The following GCLC variants were observed in gnomAD, a reference collection of about 807,000 sequenced individuals.
The protein encoded by GCLC is glutamate-cysteine ligase catalytic subunit.
GCLC carries 30 observed loss-of-function variants against 81.5 expected under a neutral mutation model. That is an observed-to-expected ratio of 0.37 (90% confidence interval 0.28 to 0.50). The LOEUF is 0.50. GCLC is among the 20% of genes least tolerant of loss of function. GCLC has a pLI of 0.96. For synonymous variants in GCLC, 262 were observed against 273.3 expected (o/e 0.96, Z 0.41); for missense variants, 556 against 777.4 (o/e 0.72, Z 3.39).
chr6:53,505,641 T>C, intron 11 of GCLC, 145 bp from the exon 12 acceptor site: 1 of 742,614 alleles, frequency 1.3e-6, no homozygotes, highest in South Asian at 1.5e-5. Context: ...CCACATCTAT[T>C]CTCAGAAATC....
rs1322728725 is a variant in GCLC, at chr6:53,498,800, TA to T, written c.1869del (p.Phe623LeufsTer4). The stretch of plus-strand genomic sequence containing the variant: ...TTACTTCCACTATATTTTACTTTCC[TA>T]AATGCTGATCCAAGTAACTCTGGGC... ...CECPELLGSA[F>X]RKVKYSGSKT... On this transcript the variant is annotated frameshift_variant, in exon 16 of 16. Coordinates refer to ENST00000650454, the MANE Select transcript of GCLC (RefSeq NM_001498.4). LOFTEE classifies it high-confidence loss of function. The T allele has an allele frequency of 3.1e-6, 5 of 1,613,446 alleles. No homozygotes were observed. The highest frequency in any genetic ancestry group is 4.2e-6 in the Non-Finnish European group (5 of 1,179,508).
chr6:53,536,672 G>C (rs1399385737), intron 1 of GCLC, among the ~76,000 whole-genome samples: 22 of 152,146 alleles, frequency 1.4e-4, no homozygotes, highest in Admixed American at 1.4e-3. Context: ...TGATGTTAGA[G>C]GCTCAATTAA....
chr6:53,526,604 C>T (rs1178059629), intron 1 of GCLC, among the ~76,000 whole-genome samples: 1 of 152,002 alleles, frequency 6.6e-6, no homozygotes, highest in Non-Finnish European at 1.5e-5. Flanking sequence ...CAAGACCATC[C>T]TGGCTAACAC....
At chr6:53,525,306 G>A (rs535298290) in intron 1 of GCLC, among the ~76,000 whole-genome samples, 1 of 152,262 alleles carries the variant, frequency 6.6e-6, no homozygotes, top group African/African-American at 2.4e-5. Context: ...CTGTCTATAT[G>A]AGCATTCTGA....
rs1199585367 is a variant in GCLC at position 53,522,538 on chromosome 6, T to G, written c.151-11A>C. 2 of 1,511,240 alleles carry G rather than the reference T, an allele frequency of 1.3e-6. No homozygotes were observed. Among genetic ancestry groups the G allele is most frequent in the Non-Finnish European group, 1.8e-6 (2 of 1,087,028 alleles). 93.6% of individuals were successfully genotyped at this position (1,511,240 alleles called of 1,614,324 possible). A position where few individuals can be genotyped will look rare whatever the true frequency, so the allele number is the denominator to read the frequency against. ...CAACATGTATTCCACCTATTGAAAA[T>G]AAAGGTGAGAAAAATTAACATTCTT... On this transcript the variant is annotated splice_polypyrimidine_tract_variant and intron_variant, in intron 1 of 15. Coordinates refer to ENST00000650454, the MANE Select transcript of GCLC (RefSeq NM_001498.4).
chr6:53,524,529 C>T (rs1313496205), intron 1 of GCLC, among the ~76,000 whole-genome samples: 1 of 152,098 alleles, frequency 6.6e-6, no homozygotes, highest in Non-Finnish European at 1.5e-5. Context: ...GATGAACTGG[C>T]CCATCCCTCA....
chr6:53,539,096 T>C (rs1016992111), intron 1 of GCLC, among the ~76,000 whole-genome samples: 1 of 152,222 alleles, frequency 6.6e-6, no homozygotes, highest in African/African-American at 2.4e-5. Flanking sequence ...ATTTACATCA[T>C]AGATTTCCCA....
At chr6:53,520,128 T>G (rs116922194) in intron 3 of GCLC, among the ~76,000 whole-genome samples, 4 of 152,236 alleles carry the variant, frequency 2.6e-5, no homozygotes, top group African/African-American at 4.8e-5. Context: ...CTATGTATAA[T>G]ACATATGATA....
rs1254754588 is a variant in GCLC, at chr6:53,516,212, G to C, written c.457C>G (p.Pro153Ala). The change falls in exon 4 of 16, where the codon CCT (proline) becomes GCT (alanine). Residue 153 changes from proline (P) to alanine (A), a missense_variant. This residue lies in a region of GCLC where 234 missense variants were observed against 303.8 expected (regional missense o/e 0.77). Transcript: ENST00000650454. ...TITSFPRLGCPGFTLPEVKPN... is the reference protein window; with the variant it reads ...TITSFPRLGCAGFTLPEVKPN... ...TTGACCTCGGGCAGTGTGAACCCAGGACAGCCTAATCTACAACAAATTGAA... is the reference window on the plus strand; with the variant it reads ...TTGACCTCGGGCAGTGTGAACCCAGCACAGCCTAATCTACAACAAATTGAA... 6.2e-7 allele frequency: 1 copy of C among 1,602,392 alleles called. No individual in the cohort carries two copies. The highest frequency in any genetic ancestry group is 1.3e-5 in the African/African-American group (1 of 74,676).
At chr6:53,507,177 A>C in intron 9 of GCLC, 152 bp from the exon 10 acceptor site, 1 of 711,026 alleles carries the variant, frequency 1.4e-6, no homozygotes. Context: ...CACCTCACCC[A>C]GTATTTTATC....
At chr6:53,501,919 A>G (rs371594213) in intron 12 of GCLC, among the ~76,000 whole-genome samples, 8 of 152,312 alleles carry the variant, frequency 5.3e-5, no homozygotes, top group African/African-American at 1.9e-4. Context: ...CTTTTTGTTA[A>G]GACATTTAAA....
At chr6:53,528,947 G>A (rs1291202705) in intron 1 of GCLC, among the ~76,000 whole-genome samples, 4 of 152,094 alleles carry the variant, frequency 2.6e-5, no homozygotes, top group South Asian at 4.2e-4. Flanking sequence ...TGAGAGTTGC[G>A]GGGTAAACTG....
At chr6:53,538,766 G>A (rs1481924550) in intron 1 of GCLC, among the ~76,000 whole-genome samples, 1 of 152,142 alleles carries the variant, frequency 6.6e-6, no homozygotes, top group Non-Finnish European at 1.5e-5. Context: ...AAGTTCACAT[G>A]GACTTTTCTG....
At chr6:53,517,513 C>G (rs1408563676) in intron 3 of GCLC, among the ~76,000 whole-genome samples, 10 of 151,994 alleles carry the variant, frequency 6.6e-5, no homozygotes, top group African/African-American at 2.4e-4. Flanking sequence ...AAAACAGTTC[C>G]CAGCTACAAG....
At chr6:53,499,978 A>G in intron 15 of GCLC, 67 bp downstream of exon 15, 1 of 1,190,830 alleles carries the variant, frequency 8.4e-7, no homozygotes, top group Non-Finnish European at 1.3e-6. Flanking sequence ...CTACTTTAAG[A>G]AATTGAACAT....
intron 1 of GCLC, among the ~76,000 whole-genome samples, chr6:53,536,887 GAGATAGGTATAGA>G (rs1763266126): frequency 6.6e-6 from 1 of 152,180 alleles, no homozygotes; most frequent in Non-Finnish European, 1.5e-5. Flanking sequence ...TTTTCTGTAG[GAGATAGGTATAGA>G]AGACTAATAC....
intron 6 of GCLC, among the ~76,000 whole-genome samples, chr6:53,512,664 G>T (rs1332580478): frequency 6.6e-6 from 1 of 151,892 alleles, no homozygotes; most frequent in African/African-American, 2.4e-5. Flanking sequence ...CTGGGAAAAA[G>T]AAAACAATCC....
chr6:53,540,158 A>G (rs1763327539), intron 1 of GCLC, among the ~76,000 whole-genome samples: 1 of 152,194 alleles, frequency 6.6e-6, no homozygotes, highest in African/African-American at 2.4e-5. Flanking sequence ...TCTTCACCCT[A>G]TTCCATTTAA....
In GCLC at chr6:53,500,370, G is replaced by A; in HGVS notation, c.1478-20C>T. On this transcript the variant is annotated intron_variant, in intron 13 of 15. Coordinates refer to ENST00000650454, the MANE Select transcript of GCLC (RefSeq NM_001498.4). ...TGCCACCTGCCGGAGAAGAGGGTCA[G>A]GGGAGCTTTAGCAGCTTGTTGCAGC... 2 of 1,612,162 alleles carry A rather than the reference G, an allele frequency of 1.2e-6. No individual in the cohort carries two copies. Among genetic ancestry groups the A allele is most frequent in the Middle Eastern group, 3.3e-4 (2 of 6,052 alleles).
Sources: allele counts gnomAD v4.1 joint callset (sites outside exome capture counted in the v4.1 genomes callset), GRCh38; gene constraint gnomAD v4.1.1; regional missense constraint gnomAD v4.1.1; transcripts MANE v1.5; gene names NCBI Gene and HGNC (gene_info 2026-07-23, HGNC 2026-07-21).